P2RX7: variants seen among roughly 807,000 people sequenced by gnomAD.
P2RX7 encodes P2X purinoceptor 7.
P2RX7 carries 62 observed loss-of-function variants against 71.6 expected under a neutral mutation model. The observed-to-expected ratio is 0.87, with a 90% CI of 0.71 to 1.07. The LOEUF (loss-of-function observed/expected upper bound fraction) is 1.07. Among genes scored for constraint, P2RX7 ranks in the 50% least tolerant of loss-of-function variants. The pLI is 0.00. For synonymous variants in P2RX7, 299 were observed against 283.3 expected (o/e 1.06, Z -0.56); for missense variants, 686 against 748.5 (o/e 0.92, Z 0.97).
At chr12:121,146,600 T>C (rs1593021441) in intron 1 of P2RX7, among the ~76,000 whole-genome samples, 1 of 152,280 alleles carries the variant, frequency 6.6e-6, no homozygotes, top group East Asian at 1.9e-4. Context: ...CAAGCCCCTC[T>C]GAAGAGGCAG....
chr12:121,184,332 T>C lies in P2RX7; in HGVS notation c.1318T>C (p.Ser440Pro). Residue 440 changes from serine (S) to proline (P), a missense_variant, in exon 13 of 13, where the codon TCC (serine) becomes CCC (proline). Ser to Pro is a moderately conservative substitution (Grantham distance 74, BLOSUM62 -1). Transcript: ENST00000328963. ...PRPAMDFTDL[S>P]RLPLALHDTP... ...ACCTGCGATGGACTTCACAGATTTG[T>C]CCAGGCTGCCCCTGGCCCTCCATGA... is the stretch of plus-strand genomic sequence containing the variant. 1 of 1,612,338 alleles carries C rather than the reference T, an allele frequency of 6.2e-7. No homozygotes were observed. Among genetic ancestry groups the C allele is most frequent in the South Asian group, 1.1e-5 (1 of 90,986 alleles).
chr12:121,163,609 AT>A (rs1232002601), intron 5 of P2RX7, among the ~76,000 whole-genome samples: 1 of 88,484 alleles, frequency 1.1e-5, no homozygotes, highest in African/African-American at 4.8e-5. Context: ...AGATAGATAG[AT>A]AGATAGATAG....
At position 121,166,119 on chromosome 12, in the gene P2RX7, T is replaced by C. The variant is rs1461676253; in HGVS notation, c.676T>C (p.Cys226Arg). 6.2e-7 allele frequency: 1 copy of C among 1,613,938 alleles called. No individual in the cohort carries two copies. Among genetic ancestry groups the C allele is most frequent in the South Asian group, 1.1e-5 (1 of 91,084 alleles). Residue 226 changes from cysteine to arginine, a missense_variant, in exon 7 of 13, where the codon TGT (cysteine) becomes CGT (arginine). Coordinates refer to ENST00000328963, the MANE Select transcript of P2RX7 (RefSeq NM_002562.6). ...CTTCCACAAGACTCAGAATCCACAG[T>C]GTCCCATTTTCCGACTAGGAGACAT... ...CTFHKTQNPQ[C>R]PIFRLGDIFR...
intron 3 of P2RX7, among the ~76,000 whole-genome samples, chr12:121,157,046 C>G (rs1878719925): frequency 6.6e-6 from 1 of 152,206 alleles, no homozygotes; most frequent in African/African-American, 2.4e-5. Flanking sequence ...CCATCCTGCT[C>G]TCTCCTCTTA....
chr12:121,155,260 C>T lies in P2RX7; in HGVS notation c.294+307C>T, dbSNP rs747428843. ...GCTTTTTAGACGCACAGCCACCAAGCCAGCAAGGTCTGCCGAGATTCAGAA... is the reference window on the plus strand; with the variant it reads ...GCTTTTTAGACGCACAGCCACCAAGTCAGCAAGGTCTGCCGAGATTCAGAA... On this transcript the variant is annotated intron_variant, in intron 2 of 12. Coordinates refer to ENST00000328963, the MANE Select transcript of P2RX7 (RefSeq NM_002562.6). 3.7e-6 allele frequency: 5 copies of T among 1,348,690 alleles called. No individual in the cohort carries two copies. The South Asian group carries it at 4.9e-5, about 13-fold the overall frequency. The allele number at this position is 1,348,690 out of a possible 1,614,324, so 83.5% of individuals were successfully genotyped here.
At chr12:121,162,271 G>T in intron 4 of P2RX7, 153 bp from the exon 5 acceptor site, 1 of 1,437,312 alleles carries the variant, frequency 7.0e-7, no homozygotes, top group Middle Eastern at 2.1e-4. Context: ...TTGTGGTTAG[G>T]ATGGGCTTGA....
At chr12:121,155,104 A>C in intron 2 of P2RX7, 151 bp downstream of exon 2, 1 of 1,481,386 alleles carries the variant, frequency 6.8e-7, no homozygotes, top group African/African-American at 1.4e-5. Flanking sequence ...AAAACCTAAA[A>C]ATTGCAAAAC....
rs148361476 is a variant in P2RX7 at position 121,184,734 on chromosome 12, C to T, written c.1720C>T (p.Arg574Cys). The T allele has an allele frequency of 9.6e-5, 149 of 1,558,292 alleles. No homozygotes were observed. The highest frequency in any genetic ancestry group is 1.1e-4 in the Non-Finnish European group (124 of 1,150,638). Residue 574 changes from arginine (R) to cysteine (C), a missense_variant, in exon 13 of 13, where the codon CGC becomes TGC. Physicochemically the swap from Arg to Cys is radical, Grantham distance 180. Coordinates refer to ENST00000328963, the MANE Select transcript of P2RX7 (RefSeq NM_002562.6). ...CTTTGCCATCCTGCCCAGCTGCTGC[C>T]GCTGGAGGATCCGGAAAGAGTTTCC... Reference protein sequence around the residue: ...ADFAILPSCCRWRIRKEFPKS... With the variant: ...ADFAILPSCCCWRIRKEFPKS...
At chr12:121,179,380 A>G (rs1471781383) in intron 11 of P2RX7, among the ~76,000 whole-genome samples, 1 of 151,894 alleles carries the variant, frequency 6.6e-6, no homozygotes, top group Non-Finnish European at 1.5e-5. Context: ...CATGCCTGTA[A>G]TCCCAGCTTC....
intron 1 of P2RX7, 79 bp downstream of exon 1, chr12:121,133,174 A>G (rs1872782136): frequency 1.3e-6 from 2 of 1,506,982 alleles, no homozygotes; most frequent in Admixed American, 3.4e-5. Flanking sequence ...CTTCAGGTGC[A>G]CATTCTGAAT....
intron 8 of P2RX7, among the ~76,000 whole-genome samples, chr12:121,174,343 C>T (rs565415562): frequency 2.6e-5 from 4 of 151,920 alleles, no homozygotes; most frequent in Middle Eastern, 3.4e-3. Context: ...CCACGGTGCC[C>T]GACCAAAAAA....
intron 4 of P2RX7, among the ~76,000 whole-genome samples, chr12:121,161,709 T>G (rs989857300): frequency 6.6e-6 from 1 of 151,330 alleles, no homozygotes; most frequent in Non-Finnish European, 1.5e-5. Flanking sequence ...TGAGAATCAC[T>G]TGAACCTGGA....
In P2RX7 at chr12:121,166,155, AC is replaced by A. The variant is rs1565962137; in HGVS notation, c.713del (p.Thr238LysfsTer14). The A allele has an allele frequency of 5.6e-6, 9 of 1,613,948 alleles. No individual in the cohort carries two copies. ...CCGACTAGGAGACATCTTCCGAGAAACAGGCGATAATTTTTCAGATGTGGCA... is the reference window on the plus strand; with the variant it reads ...CCGACTAGGAGACATCTTCCGAGAAAAGGCGATAATTTTTCAGATGTGGCA... ...IFRLGDIFRE[T>X]GDNFSDVAIQ... On this transcript the variant is annotated frameshift_variant, in exon 7 of 13. Transcript: ENST00000328963. LOFTEE classifies it high-confidence loss of function.
Position 121,154,981 on chromosome 12 carries a change from C to T in P2RX7, c.294+28C>T, listed in dbSNP as rs201778200. 2.0e-5 allele frequency: 33 copies of T among 1,612,080 alleles called. No homozygotes were observed. The East Asian group carries it at 7.4e-4, about 36-fold the overall frequency. ...GAGCACCTCGTAGCATTCTCCCAGG[C>T]TCGTCGCTGGTCACCGTCGCCAGGG... On this transcript the variant is annotated intron_variant, in intron 2 of 12. Coordinates refer to ENST00000328963, the MANE Select transcript of P2RX7 (RefSeq NM_002562.6). The surrounding 1 kb of genome is among the most constrained non-coding windows in gnomAD (Gnocchi z 4.2).
chr12:121,146,481 G>A lies in P2RX7; in HGVS notation c.126-8304G>A, dbSNP rs533560462. On this transcript the variant is annotated intron_variant, in intron 1 of 12. Coordinates refer to ENST00000328963, the MANE Select transcript of P2RX7 (RefSeq NM_002562.6). ...TAATTTTTGTATTTTTAGTAGAGAC[G>A]GGGTTTCACCATGTTGGCCAGGCTG... Among the ~76,000 whole-genome samples, 18 of 151,580 alleles carry A rather than the reference G, an allele frequency of 1.2e-4. No individual in the cohort carries two copies. The East Asian group carries it at 3.1e-3, about 26-fold the overall frequency.
rs375852722 is a variant in P2RX7 at position 121,160,993 on chromosome 12, C to T, written c.436+19C>T. On this transcript the variant is annotated intron_variant, in intron 4 of 12. Transcript: ENST00000328963. ...AGCAAAGGTACCTTCTGTTTCTTTT[C>T]CCGAGACCCTAGGGGTGGATGGTCT... 2.0e-5 allele frequency: 32 copies of T among 1,598,060 alleles called. No individual in the cohort carries two copies. The South Asian group carries it at 3.2e-4, about 16-fold the overall frequency.
intron 4 of P2RX7, 65 bp from the exon 5 acceptor site, chr12:121,162,359 C>T (rs1879900252): frequency 6.3e-7 from 1 of 1,596,218 alleles, no homozygotes; most frequent in Non-Finnish European, 8.5e-7. Context: ...TGATGTCCCT[C>T]CTGGAGAACG....
intron 1 of P2RX7, among the ~76,000 whole-genome samples, chr12:121,153,781 A>G (rs1877985553): frequency 6.6e-6 from 1 of 152,140 alleles, no homozygotes; most frequent in Admixed American, 6.6e-5. Context: ...GAGATGGTGC[A>G]TGCAGAGTAC....
chr12:121,165,544 T>A, intron 6 of P2RX7, 107 bp downstream of exon 6: 2 of 875,302 alleles, frequency 2.3e-6, no homozygotes, highest in Non-Finnish European at 3.7e-6. Context: ...TCCCACGGTT[T>A]CTGTGGGTCA....
Sources: gnomAD v4.1 joint callset for allele counts (sites outside exome capture counted in the v4.1 genomes callset) on GRCh38, gnomAD v4.1.1 for gene constraint, Gnocchi (gnomAD v3.1) non-coding constraint, MANE v1.5 for transcripts, NCBI Gene and HGNC (gene_info 2026-07-23, HGNC 2026-07-21) for gene names.